FKBP15: variants seen among roughly 807,000 people sequenced by gnomAD.
FKBP15 encodes FKBP prolyl isomerase family member 15.
Under a neutral mutation model 158.1 loss-of-function variants are expected in FKBP15, and 106 were observed. That is an observed-to-expected ratio of 0.67 (90% CI 0.57 to 0.79). FKBP15 has a LOEUF of 0.79. Among genes scored for constraint, FKBP15 ranks in the 30% least tolerant of loss-of-function variants. FKBP15 has a pLI of 0.00. For synonymous variants in FKBP15, 547 were observed against 548.6 expected (o/e 1.00, Z 0.04); for missense variants, 1,287 against 1,479.1 (o/e 0.87, Z 2.13).
At chr9:113,194,862 T>C (rs1830641029) in intron 9 of FKBP15, among the ~76,000 whole-genome samples, 1 of 152,250 alleles carries the variant, frequency 6.6e-6, no homozygotes, top group Non-Finnish European at 1.5e-5. Flanking sequence ...TAAATATCTA[T>C]GCTATTAAAA....
At chr9:113,195,764 T>G (rs1467610027) in intron 9 of FKBP15, among the ~76,000 whole-genome samples, 3 of 152,224 alleles carry the variant, frequency 2.0e-5, no homozygotes, top group African/African-American at 4.8e-5. Flanking sequence ...ACAGGTAGTA[T>G]TAAGTTGACT....
Position 113,161,211 on chromosome 9 carries a change from TAAC to T in FKBP15, c.*4864_*4866del. 1 of 407,644 alleles carries T rather than the reference TAAC, an allele frequency of 2.5e-6. No homozygotes were observed. Among genetic ancestry groups the T allele is most frequent in the Non-Finnish European group, 4.4e-6 (1 of 225,714 alleles). 25.3% of individuals were successfully genotyped at this position (407,644 alleles called of 1,614,324 possible). A position where few individuals can be genotyped will look rare whatever the true frequency, so the allele number is the denominator to read the frequency against. ...ATAGGACCTTGCAGTACTCATCACT[TAAC>T]AAGAAGTCACGACAGATTTGTGCAG... On this transcript the variant is annotated 3_prime_UTR_variant, in exon 28 of 28. Transcript: ENST00000238256.
chr9:113,210,762 G>A lies in FKBP15; in HGVS notation c.169+715C>T, dbSNP rs193018797. ...GGGCACTATCTAATCAACTGCCAGC[G>A]TGGCTAGTATAAGGCAGGCAGAAGA... On this transcript the variant is annotated intron_variant, in intron 2 of 27. Transcript: ENST00000238256. Among the ~76,000 whole-genome samples the A allele has an allele frequency of 1.5e-3, 202 of 133,162 alleles. 1 individual carries two copies. Among genetic ancestry groups the A allele is most frequent in the African/African-American group, 5.3e-3 (185 of 34,728 alleles). 87.4% of individuals were successfully genotyped at this position (133,162 alleles called of 152,430 possible).
intron 12 of FKBP15, among the ~76,000 whole-genome samples, chr9:113,189,686 C>T (rs895985400): frequency 3.3e-5 from 5 of 151,976 alleles, no homozygotes; most frequent in Admixed American, 6.6e-5. Flanking sequence ...TCAAGACCAT[C>T]GCCCTTTCCT....
rs186281123 is a variant in FKBP15 at position 113,207,763 on chromosome 9, G to A, written c.170-467C>T. The stretch of plus-strand genomic sequence containing the variant: ...AGCAGCCCTATGATCTAGTCTGGGG[G>A]TGAAGAAACTGAGGTTCTAATCACC... On this transcript the variant is annotated intron_variant, in intron 2 of 27. Coordinates refer to ENST00000238256, the MANE Select transcript of FKBP15 (RefSeq NM_015258.2). Among the ~76,000 whole-genome samples, 89 of 152,176 alleles carry A rather than the reference G, an allele frequency of 5.8e-4. 1 individual carries two copies. Among genetic ancestry groups the A allele is most frequent in the African/African-American group, 2.0e-3 (85 of 41,516 alleles).
At chr9:113,181,207 C>T (rs1830389568) in intron 19 of FKBP15, among the ~76,000 whole-genome samples, 1 of 152,128 alleles carries the variant, frequency 6.6e-6, no homozygotes, top group African/African-American at 2.4e-5. Flanking sequence ...TACTGTTTTG[C>T]TATTATAAAT....
At chr9:113,215,618 GTGTGTGTA>G (rs140568757) in intron 1 of FKBP15, among the ~76,000 whole-genome samples, 84 of 114,990 alleles carry the variant, frequency 7.3e-4, no homozygotes, top group East Asian at 5.3e-3. Context: ...GTGTGTGTGT[GTGTGTGTA>G]TATATATATA....
intron 1 of FKBP15, among the ~76,000 whole-genome samples, chr9:113,220,421 T>G (rs866537252): frequency 6.6e-6 from 1 of 152,192 alleles, no homozygotes; most frequent in Admixed American, 6.5e-5. Flanking sequence ...TTCCTCTCTT[T>G]AAAGATTTCT....
chr9:113,218,395 A>T (rs909065096), intron 1 of FKBP15, among the ~76,000 whole-genome samples: 35 of 145,942 alleles, frequency 2.4e-4, no homozygotes, highest in South Asian at 1.3e-3. Flanking sequence ...ATATATATAT[A>T]TATATATATA....
intron 3 of FKBP15, 82 bp from the exon 4 acceptor site, chr9:113,206,660 G>T: frequency 2.8e-6 from 2 of 725,368 alleles, no homozygotes; most frequent in Non-Finnish European, 2.1e-6. Flanking sequence ...ATACAGAAGT[G>T]GGAACAACAG....
rs372070177 is a variant in FKBP15, at chr9:113,190,556, T to C, written c.1088A>G (p.Lys363Arg). 6.2e-7 allele frequency: 1 copy of C among 1,611,030 alleles called. No individual in the cohort carries two copies. Among genetic ancestry groups the C allele is most frequent in the Non-Finnish European group, 8.5e-7 (1 of 1,178,656 alleles). The change falls in exon 12 of 28, where the codon AAG (lysine) becomes AGG (arginine). Residue 363 changes from lysine to arginine, a missense_variant. Physicochemically the swap from Lys to Arg is conservative, Grantham distance 26. Transcript: ENST00000238256. ...CATTTTAGCCATCCGAGAGATCAACTTGGCTTTGACTGCATCGGGACTCTA... is the reference window on the plus strand; with the variant it reads ...CATTTTAGCCATCCGAGAGATCAACCTGGCTTTGACTGCATCGGGACTCTA... ...INTSPDAVKA[K>R]LISRMAKMGQ...
At chr9:113,170,727 A>G in intron 24 of FKBP15, 98 bp from the exon 25 acceptor site, 2 of 823,884 alleles carry the variant, frequency 2.4e-6, no homozygotes, top group Non-Finnish European at 4.3e-6. Context: ...AAGCCATCTT[A>G]GATCTCTACA....
At chr9:113,169,156 T>C (rs1830155785) in intron 26 of FKBP15, 68 bp downstream of exon 26, 1 of 1,519,888 alleles carries the variant, frequency 6.6e-7, no homozygotes, top group Non-Finnish European at 8.8e-7. Context: ...TTGCCAGCCC[T>C]GGAAAAAACA....
intron 3 of FKBP15, among the ~76,000 whole-genome samples, 170 bp from the exon 4 acceptor site, chr9:113,206,748 C>T (rs559757586): frequency 6.1e-4 from 82 of 133,858 alleles, no homozygotes; most frequent in African/African-American, 2.0e-3. Context: ...GACAGAGTCT[C>T]GCTCTGTCAC....
intron 9 of FKBP15, among the ~76,000 whole-genome samples, chr9:113,196,169 T>G (rs1188084912): frequency 1.3e-5 from 2 of 152,154 alleles, no homozygotes; most frequent in African/African-American, 4.8e-5. Context: ...AGTATCTTAA[T>G]GATGGACATT....
At chr9:113,181,651 G>A (rs145122135) in intron 19 of FKBP15, among the ~76,000 whole-genome samples, 1 of 152,254 alleles carries the variant, frequency 6.6e-6, no homozygotes, top group African/African-American at 2.4e-5. Flanking sequence ...CCACTGATCT[G>A]GAACAAGTTA....
chr9:113,178,431 A>G (rs3810911), intron 20 of FKBP15, among the ~76,000 whole-genome samples, 199 bp downstream of exon 20: 58,111 of 152,126 alleles, frequency 0.38, 11,773 homozygotes, highest in East Asian at 0.77. Context: ...GCACTGATCA[A>G]TTCCACATGA....
rs1414467982 is a variant in FKBP15 at position 113,221,199 on chromosome 9, C to T, written c.45G>A (p.Pro15=). The change falls in exon 1 of 28, where the codon CCG becomes CCA. Residue 15 remains proline (P), a synonymous_variant. Transcript: ENST00000238256. ...GDEDDTDFLS[P]SGGARLASLF... ...ACTTCTCAGTCACTCACCCGCCGCT[C>T]GGCGAGAGGAAATCGGTGTCGTCCT... 1.2e-5 allele frequency: 20 copies of T among 1,609,450 alleles called. No individual in the cohort carries two copies. The highest frequency in any genetic ancestry group is 3.4e-5 in the Admixed American group (2 of 59,642).
intron 14 of FKBP15, chr9:113,187,572 G>A (rs1830506150): frequency 1.8e-6 from 1 of 545,498 alleles, no homozygotes; most frequent in Non-Finnish European, 3.4e-6. Flanking sequence ...CGTTGTACTA[G>A]GGGCTCTACT....
Sources: allele counts gnomAD v4.1 joint callset (sites outside exome capture counted in the v4.1 genomes callset), GRCh38; gene constraint gnomAD v4.1.1; transcripts MANE v1.5; gene names NCBI Gene and HGNC (gene_info 2026-07-23, HGNC 2026-07-21).